Variants in CFAP141 observed in about 807,000 individuals in gnomAD.
The protein encoded by CFAP141 is cilia and flagella associated protein 141.
At chr1:154,202,718 G>A in the CFAP141 span, among the ~76,000 whole-genome samples, 5 of 151,842 alleles carry the variant, frequency 3.3e-5, no homozygotes, top group East Asian at 2.0e-4. Flanking sequence ...GAAGAATGGC[G>A]TGAACCCAGG....
the CFAP141 span, chr1:154,205,626 C>T: frequency 1.2e-6 from 2 of 1,613,896 alleles, no homozygotes; most frequent in Non-Finnish European, 1.7e-6. Flanking sequence ...AGTCCCATGG[C>T]CTTTTGAAAA....
chr1:154,203,876 A>G, the CFAP141 span, among the ~76,000 whole-genome samples: 1 of 152,272 alleles, frequency 6.6e-6, no homozygotes, highest in East Asian at 1.9e-4. Flanking sequence ...GGGGTTTGAG[A>G]ACAGCCTGGC....
At chr1:154,204,153 C>T in the CFAP141 span, among the ~76,000 whole-genome samples, 101 of 152,138 alleles carry the variant, frequency 6.6e-4, no homozygotes, top group East Asian at 0.015. Context: ...TGTGTATGTA[C>T]CTTCTAGTGC....
chr1:154,206,271 A>G, the CFAP141 span: 12 of 1,614,042 alleles, frequency 7.4e-6, no homozygotes, highest in Non-Finnish European at 9.3e-6. Flanking sequence ...CCAACTCTGC[A>G]TACCTCTTCT....
At chr1:154,202,912 G>A in the CFAP141 span, among the ~76,000 whole-genome samples, 1 of 151,756 alleles carries the variant, frequency 6.6e-6, no homozygotes, top group Non-Finnish European at 1.5e-5. Flanking sequence ...CTTGAGGCCA[G>A]GAGTTCAAGA....
At chr1:154,202,605 CCTCA>C in the CFAP141 span, among the ~76,000 whole-genome samples, 1 of 146,848 alleles carries the variant, frequency 6.8e-6, no homozygotes, top group Non-Finnish European at 1.5e-5. Flanking sequence ...TCGAGACCAT[CCTCA>C]CTAACACGGT....
the CFAP141 span, chr1:154,199,458 A>G: frequency 6.2e-7 from 1 of 1,612,976 alleles, no homozygotes; most frequent in Non-Finnish European, 8.5e-7. Flanking sequence ...AGCTTTGCCC[A>G]TCTGATTTAG....
chr1:154,206,069 A>G, the CFAP141 span, among the ~76,000 whole-genome samples: 1 of 152,172 alleles, frequency 6.6e-6, no homozygotes, highest in African/African-American at 2.4e-5. Context: ...TACTTTCAGA[A>G]TGGATCAAAG....
the CFAP141 span, among the ~76,000 whole-genome samples, chr1:154,203,072 G>A: frequency 6.8e-6 from 1 of 146,070 alleles, no homozygotes. Context: ...AGTGAGCCGA[G>A]ATTGCACCAC....
the CFAP141 span, among the ~76,000 whole-genome samples, chr1:154,200,880 C>T: frequency 2.0e-5 from 3 of 151,980 alleles, no homozygotes; most frequent in Non-Finnish European, 4.4e-5. Flanking sequence ...GATAGGGTTT[C>T]ACCATATTGG....
chr1:154,202,997 T>C, the CFAP141 span, among the ~76,000 whole-genome samples: 2 of 148,796 alleles, frequency 1.3e-5, no homozygotes, highest in African/African-American at 2.5e-5. Context: ...GCCACACACC[T>C]GTAATCCCAG....
the CFAP141 span, among the ~76,000 whole-genome samples, chr1:154,203,423 G>C: frequency 6.7e-6 from 1 of 149,680 alleles, no homozygotes; most frequent in Non-Finnish European, 1.5e-5. Context: ...CCACGCCCAG[G>C]TAACTTTTGC....
At chr1:154,199,422 T>G in the CFAP141 span, 1 of 1,591,124 alleles carries the variant, frequency 6.3e-7, no homozygotes, top group Admixed American at 1.7e-5. Context: ...GTGTTTTGGA[T>G]GCCATCAGAA....
the CFAP141 span, chr1:154,205,556 G>A: frequency 1.9e-6 from 3 of 1,588,894 alleles, no homozygotes; most frequent in African/African-American, 4.0e-5. Flanking sequence ...AGAGTGGAAA[G>A]GTCAAGCTCA....
the CFAP141 span, chr1:154,205,493 A>G: frequency 1.9e-6 from 2 of 1,046,672 alleles, no homozygotes; most frequent in Non-Finnish European, 3.0e-6. Flanking sequence ...TTTCCTCTTG[A>G]TGAGCCCCTA....
chr1:154,203,865 A>G, the CFAP141 span, among the ~76,000 whole-genome samples: 3 of 152,024 alleles, frequency 2.0e-5, no homozygotes, highest in Non-Finnish European at 4.4e-5. Flanking sequence ...ACTTGAGGTC[A>G]GGGGTTTGAG....
At chr1:154,204,871 GTT>G in the CFAP141 span, among the ~76,000 whole-genome samples, 6 of 133,862 alleles carry the variant, frequency 4.5e-5, no homozygotes, top group Non-Finnish European at 3.2e-5. Flanking sequence ...TTGCATCAGT[GTT>G]TTTTTTTTTT....
At chr1:154,200,667 T>G in the CFAP141 span, 1 of 1,435,794 alleles carries the variant, frequency 7.0e-7, no homozygotes, top group Admixed American at 2.1e-5. Context: ...AGAGTGAGGC[T>G]GTTTCTTTTT....
chr1:154,205,599 T>G, the CFAP141 span: 1 of 1,613,932 alleles, frequency 6.2e-7, no homozygotes, highest in South Asian at 1.1e-5. Flanking sequence ...GCAGATTACC[T>G]GTCGACCGTC....
Sources: gnomAD v4.1 joint callset for allele counts (sites outside exome capture counted in the v4.1 genomes callset) on GRCh38, gnomAD v4.1.1 for gene constraint, MANE v1.5 for transcripts, NCBI Gene and HGNC (gene_info 2026-07-23, HGNC 2026-07-21) for gene names.